Variants in NBEAL1 observed in about 807,000 individuals in gnomAD.
NBEAL1 encodes the protein neurobeachin-like protein 1.
In NBEAL1, 273 loss-of-function variants were observed where a neutral mutation model predicts 351.3. The observed-to-expected ratio is 0.78, with a 90% confidence interval of 0.70 to 0.86. The LOEUF is 0.86. Among genes scored for constraint, NBEAL1 ranks in the 40% least tolerant of loss-of-function variants. The pLI is 0.00. For missense variants in NBEAL1, 2,961 were observed against 3,201.3 expected (o/e 0.92, Z 1.81); for synonymous variants, 1,050 against 1,086.4 (o/e 0.97, Z 0.66).
intron 42 of NBEAL1, among the ~76,000 whole-genome samples, chr2:203,177,533 A>G (rs935757537): frequency 3.3e-5 from 5 of 152,192 alleles, no homozygotes; most frequent in Non-Finnish European, 7.4e-5. Context: ...AGCATGAGTC[A>G]TCAGGGAAAT....
chr2:203,121,170 T>A (rs1391547060), intron 18 of NBEAL1, among the ~76,000 whole-genome samples: 1 of 152,148 alleles, frequency 6.6e-6, no homozygotes, highest in Non-Finnish European at 1.5e-5. Context: ...TAGTATCTTA[T>A]GCCTGTAATT....
Position 203,135,880 on chromosome 2 carries a change from A to G in NBEAL1, c.4017A>G (p.Lys1339=). 6.2e-7 allele frequency: 1 copy of G among 1,614,132 alleles called. No individual in the cohort carries two copies. ...TEDTKKNSDE[K]TDEEKITSFA... ...ATACCAAGAAGAACTCTGATGAAAAAACAGATGAGGAAAAAATCACCTCTT... is the reference window on the plus strand; with the variant it reads ...ATACCAAGAAGAACTCTGATGAAAAGACAGATGAGGAAAAAATCACCTCTT... Residue 1339 remains lysine (K), a synonymous_variant, in exon 28 of 56, where the codon AAA becomes AAG. Transcript: ENST00000683969.
intron 7 of NBEAL1, among the ~76,000 whole-genome samples, chr2:203,071,898 C>A (rs867519576): frequency 1.3e-5 from 2 of 152,132 alleles, no homozygotes; most frequent in Non-Finnish European, 2.9e-5. Flanking sequence ...GAGAATAGCC[C>A]TCTTTGGTTG....
In NBEAL1 at chr2:203,136,110, G is replaced by A; in HGVS notation, c.4247G>A (p.Gly1416Glu). The A allele has an allele frequency of 1.2e-6, 2 of 1,614,102 alleles. No homozygotes were observed. Among genetic ancestry groups the A allele is most frequent in the Non-Finnish European group, 8.5e-7 (1 of 1,180,024 alleles). ...GACTCATGTGAAATGAGTGATAGTG[G>A]AAGTCAAGTGCCAGACAGTCTGCCT... ...GIDSCEMSDS[G>E]SQVPDSLPST... Residue 1416 changes from glycine to glutamate, a missense_variant, in exon 28 of 56, where the codon GGA becomes GAA. By Grantham distance (98) the Gly-to-Glu change is moderately conservative. Coordinates refer to ENST00000683969, the MANE Select transcript of NBEAL1 (RefSeq NM_001378026.1).
intron 36 of NBEAL1, among the ~76,000 whole-genome samples, chr2:203,158,690 A>G (rs1362195508): frequency 6.6e-6 from 1 of 152,108 alleles, no homozygotes; most frequent in Non-Finnish European, 1.5e-5. Context: ...TGTTTGCTAC[A>G]TAATTATCAA....
chr2:203,110,044 A>C, intron 14 of NBEAL1, 106 bp from the exon 15 acceptor site: 1 of 1,101,766 alleles, frequency 9.1e-7, no homozygotes, highest in Non-Finnish European at 1.3e-6. Flanking sequence ...AAGCCACAGA[A>C]TTGTGGGTAA....
Position 203,122,254 on chromosome 2 carries a change from G to A in NBEAL1, c.2593G>A (p.Ala865Thr), listed in dbSNP as rs2106273466. The A allele has an allele frequency of 6.6e-7, 1 of 1,518,206 alleles. No homozygotes were observed. Among genetic ancestry groups the A allele is most frequent in the African/African-American group, 1.4e-5 (1 of 71,146 alleles). The allele number at this position is 1,518,206 out of a possible 1,614,324, so 94.0% of individuals were successfully genotyped here. ...GNILLYYTAKACKNSICLDLS... is the reference protein window; with the variant it reads ...GNILLYYTAKTCKNSICLDLS... ...TGCCATATTTTTCTTTTATTCTTAG[G>A]CCTGCAAAAATTCAATCTGTCTTGA... The change falls in exon 19 of 56, where the codon GCC becomes ACC. Residue 865 changes from alanine to threonine, a missense_variant and splice_region_variant. By Grantham distance (58) the Ala-to-Thr change is moderately conservative (BLOSUM62 0). Transcript: ENST00000683969.
At chr2:203,149,304 T>C (rs1210243397) in intron 34 of NBEAL1, among the ~76,000 whole-genome samples, 156 bp downstream of exon 34, 1 of 152,098 alleles carries the variant, frequency 6.6e-6, no homozygotes, top group Non-Finnish European at 1.5e-5. Context: ...GAATTATAGG[T>C]CTGGGATGAT....
intron 45 of NBEAL1, 109 bp from the exon 46 acceptor site, chr2:203,190,183 C>T: frequency 3.9e-6 from 2 of 511,530 alleles, no homozygotes; most frequent in Non-Finnish European, 7.2e-6. Context: ...CACACACACA[C>T]ACACACACAC....
At chr2:203,132,324 T>C (rs546255268) in intron 26 of NBEAL1, among the ~76,000 whole-genome samples, 192 bp downstream of exon 26, 2 of 152,334 alleles carry the variant, frequency 1.3e-5, no homozygotes, top group African/African-American at 4.8e-5. Context: ...ACTCAGTAAA[T>C]GTTTATTGAC....
chr2:203,209,341 A>G lies in NBEAL1; in HGVS notation c.7785+19A>G. The G allele has an allele frequency of 1.3e-6, 2 of 1,593,270 alleles. No homozygotes were observed. The highest frequency in any genetic ancestry group is 1.7e-6 in the Non-Finnish European group (2 of 1,163,548). On this transcript the variant is annotated intron_variant, in intron 53 of 55. Transcript: ENST00000683969. ...CCTCAAGGTATATGACCTTTCATGC[A>G]ATAGAGGTAGACTCCCAATAGCATA...
At chr2:203,017,448 G>C (rs933375461) in intron 2 of NBEAL1, among the ~76,000 whole-genome samples, 1 of 152,090 alleles carries the variant, frequency 6.6e-6, no homozygotes, top group African/African-American at 2.4e-5. Context: ...CATACACTTT[G>C]AAATGCTTAA....
intron 30 of NBEAL1, 117 bp downstream of exon 30, chr2:203,138,432 A>C: frequency 9.1e-7 from 1 of 1,095,156 alleles, no homozygotes; most frequent in East Asian, 2.5e-5. Flanking sequence ...ATAAACAAGG[A>C]TAAGATGTGA....
chr2:203,212,230 A>G (rs2065807492), intron 54 of NBEAL1, among the ~76,000 whole-genome samples: 1 of 152,052 alleles, frequency 6.6e-6, no homozygotes, highest in Non-Finnish European at 1.5e-5. Flanking sequence ...TTATGAATCA[A>G]CAAGGCAAAA....
chr2:203,093,326 TTTC>T (rs1428845972), intron 10 of NBEAL1, among the ~76,000 whole-genome samples: 5 of 152,092 alleles, frequency 3.3e-5, no homozygotes, highest in African/African-American at 4.8e-5. Flanking sequence ...AGCATTGGTT[TTTC>T]TTCAGTATAT....
chr2:203,096,443 C>T (rs2106201470), intron 10 of NBEAL1, among the ~76,000 whole-genome samples: 1 of 152,264 alleles, frequency 6.6e-6, no homozygotes, highest in African/African-American at 2.4e-5. Flanking sequence ...CCTTAGCATG[C>T]TCTTAATAAA....
intron 24 of NBEAL1, 121 bp from the exon 25 acceptor site, chr2:203,130,196 AT>A: frequency 1.1e-6 from 1 of 923,370 alleles, no homozygotes; most frequent in South Asian, 2.0e-5. Flanking sequence ...CATATCAGAT[AT>A]AGTGAAGTTA....
intron 2 of NBEAL1, among the ~76,000 whole-genome samples, chr2:203,023,812 G>A (rs2060807876): frequency 6.6e-6 from 1 of 152,112 alleles, no homozygotes; most frequent in Non-Finnish European, 1.5e-5. Flanking sequence ...CTCATATTGG[G>A]AATTATTGGA....
intron 44 of NBEAL1, among the ~76,000 whole-genome samples, chr2:203,187,759 C>A (rs993178048): frequency 1.3e-5 from 2 of 149,326 alleles, no homozygotes; most frequent in Admixed American, 6.7e-5. Context: ...AAAAAAAAAT[C>A]AAATAGTTCA....
Sources: gnomAD v4.1 joint callset for allele counts (sites outside exome capture counted in the v4.1 genomes callset) on GRCh38, gnomAD v4.1.1 for gene constraint, MANE v1.5 for transcripts, NCBI Gene and HGNC (gene_info 2026-07-23, HGNC 2026-07-21) for gene names.